The following THSD7A variants were observed in gnomAD, a reference collection of about 807,000 sequenced individuals.
The protein encoded by THSD7A is thrombospondin type 1 domain containing 7A, also known as thrombospondin type-1 domain-containing protein 7A.
In THSD7A, 96 loss-of-function variants were observed where a neutral mutation model predicts 231.3. That is an observed-to-expected ratio of 0.41 (90% confidence interval 0.35 to 0.49). The LOEUF (loss-of-function observed/expected upper bound fraction) is 0.49, where lower values mean the gene tolerates loss of function less well. Among genes scored for constraint, THSD7A ranks in the 20% least tolerant of loss-of-function variants. The pLI is 0.05. For missense variants in THSD7A, 2,290 were observed against 2,070.2 expected (o/e 1.11, Z -2.06); for synonymous variants, 940 against 743.3 (o/e 1.26, Z -4.30).
At chr7:11,751,176 A>C (rs1371481699) in intron 1 of THSD7A, 1 of 152,078 alleles carries the variant, frequency 6.6e-6, no homozygotes, top group Non-Finnish European at 1.5e-5. Context: ...GATACATAAG[A>C]AACTGGTTCT....
At chr7:11,514,794 T>TG (rs750926427) in intron 6 of THSD7A, among the ~76,000 whole-genome samples, 7 of 152,194 alleles carry the variant, frequency 4.6e-5, no homozygotes, top group Non-Finnish European at 1.0e-4. Context: ...TGACTGTACT[T>TG]GCTTTCTCCT....
At chr7:11,676,507 G>A (rs1323169884) in intron 1 of THSD7A, among the ~76,000 whole-genome samples, 1 of 152,100 alleles carries the variant, frequency 6.6e-6, no homozygotes, top group Non-Finnish European at 1.5e-5. Context: ...ATGCAAGGAG[G>A]CTAAGAACCT....
At chr7:11,497,862 C>T (rs1298160077) in intron 6 of THSD7A, among the ~76,000 whole-genome samples, 2 of 152,116 alleles carry the variant, frequency 1.3e-5, no homozygotes, top group Non-Finnish European at 2.9e-5. Context: ...AACATGGAGC[C>T]AGGGGACCAT....
chr7:11,639,435 C>T (rs142893797), intron 1 of THSD7A, among the ~76,000 whole-genome samples: 7 of 151,986 alleles, frequency 4.6e-5, no homozygotes, highest in South Asian at 2.1e-4. Flanking sequence ...TTTGGGAGGC[C>T]GAGGCGGGCG....
intron 1 of THSD7A, among the ~76,000 whole-genome samples, chr7:11,796,828 G>A (rs1204101832): frequency 2.0e-5 from 3 of 151,798 alleles, no homozygotes; most frequent in Non-Finnish European, 4.4e-5. Context: ...TCTATACTAT[G>A]TTAGTCATTT....
intron 1 of THSD7A, among the ~76,000 whole-genome samples, chr7:11,803,641 T>C (rs1329567785): frequency 6.6e-6 from 1 of 152,194 alleles, no homozygotes; most frequent in Non-Finnish European, 1.5e-5. Context: ...CCTTATTTCC[T>C]ACTTGGCTAT....
At chr7:11,585,938 G>A (rs7456268) in intron 4 of THSD7A, among the ~76,000 whole-genome samples, 11 of 151,978 alleles carry the variant, frequency 7.2e-5, no homozygotes, top group Non-Finnish European at 1.0e-4. Flanking sequence ...TTTTTTTTTC[G>A]CGTCAATGTT....
At chr7:11,781,032 A>T (rs1783611802) in intron 1 of THSD7A, among the ~76,000 whole-genome samples, 4 of 142,114 alleles carry the variant, frequency 2.8e-5, no homozygotes, top group African/African-American at 8.0e-5. Context: ...AAAAAAAAAA[A>T]AAAAAATTTA....
At chr7:11,717,866 G>C (rs1166009031) in intron 1 of THSD7A, among the ~76,000 whole-genome samples, 3 of 151,548 alleles carry the variant, frequency 2.0e-5, no homozygotes, top group Non-Finnish European at 4.4e-5. Context: ...ATCTCATGGG[G>C]ATATGGTTTC....
chr7:11,568,651 AAAACC>A lies in THSD7A; in HGVS notation c.1453+21804_1453+21808del, dbSNP rs1454743152. On this transcript the variant is annotated intron_variant, in intron 4 of 27. Coordinates refer to ENST00000423059, the MANE Select transcript of THSD7A (RefSeq NM_015204.3). ...AAAAAAAAAAAAAAAAAAAAAAAAA[AAAACC>A]AAAATCTGGAACAAGGTAAAGATGA... 1.1e-3 allele frequency among the ~76,000 whole-genome samples: 155 copies of A among 139,504 alleles called. 6 individuals are homozygous for A. Among genetic ancestry groups the A allele is most frequent in the African/African-American group, 4.1e-3 (150 of 36,528 alleles). 91.5% of individuals were successfully genotyped at this position (139,504 alleles called of 152,430 possible).
chr7:11,784,337 C>T (rs10225277), intron 1 of THSD7A, among the ~76,000 whole-genome samples: 124,950 of 151,314 alleles, frequency 0.83, 51,866 homozygotes, highest in Middle Eastern at 0.91. Flanking sequence ...ATTTTTGAAA[C>T]TGATGAAAAA....
At chr7:11,725,393 T>C (rs1244339433) in intron 1 of THSD7A, among the ~76,000 whole-genome samples, 2 of 151,954 alleles carry the variant, frequency 1.3e-5, no homozygotes, top group Admixed American at 6.6e-5. Context: ...TTTTCAGAAA[T>C]AGTTTTCTGG....
chr7:11,529,539 T>C (rs1372267848), intron 6 of THSD7A, among the ~76,000 whole-genome samples: 1 of 152,002 alleles, frequency 6.6e-6, no homozygotes. Context: ...ATGCTGCTCT[T>C]GTGATAGTGA....
intron 1 of THSD7A, among the ~76,000 whole-genome samples, chr7:11,657,750 T>C (rs984194737): frequency 2.0e-5 from 3 of 151,836 alleles, no homozygotes; most frequent in African/African-American, 7.2e-5. Context: ...ACTATAGTGC[T>C]AGACTGACAG....
intron 2 of THSD7A, among the ~76,000 whole-genome samples, chr7:11,613,236 C>A (rs1217985761): frequency 1.3e-5 from 2 of 152,150 alleles, no homozygotes; most frequent in Non-Finnish European, 2.9e-5. Flanking sequence ...TTTCCTAACA[C>A]TAAGAAAGAG....
chr7:11,711,814 C>T (rs1780975039), intron 1 of THSD7A, among the ~76,000 whole-genome samples: 1 of 151,128 alleles, frequency 6.6e-6, no homozygotes, highest in Admixed American at 6.6e-5. Flanking sequence ...CTGTAAACAT[C>T]ACAGTTGAGA....
At chr7:11,782,856 G>C (rs1344871666) in intron 1 of THSD7A, among the ~76,000 whole-genome samples, 1 of 152,110 alleles carries the variant, frequency 6.6e-6, no homozygotes, top group Non-Finnish European at 1.5e-5. Flanking sequence ...TTTGCTGAAA[G>C]TATATACATT....
At chr7:11,622,527 C>T (rs1001593331) in intron 2 of THSD7A, among the ~76,000 whole-genome samples, 3 of 151,940 alleles carry the variant, frequency 2.0e-5, no homozygotes, top group Non-Finnish European at 2.9e-5. Context: ...GACTTTAATC[C>T]AGGCCATCTG....
At chr7:11,748,480 G>T (rs1026493096) in intron 1 of THSD7A, among the ~76,000 whole-genome samples, 1 of 151,890 alleles carries the variant, frequency 6.6e-6, no homozygotes, top group Non-Finnish European at 1.5e-5. Context: ...AAAATTGTTA[G>T]TATTTAAATA....
Sources: allele counts gnomAD v4.1 joint callset (sites outside exome capture counted in the v4.1 genomes callset), GRCh38; gene constraint gnomAD v4.1.1; transcripts MANE v1.5; gene names NCBI Gene and HGNC (gene_info 2026-07-23, HGNC 2026-07-21).